The following NCOR1 variants were observed in gnomAD, a reference collection of about 807,000 sequenced individuals.
NCOR1 encodes the protein protein phosphatase 1, regulatory subunit 109.
Under a neutral mutation model 288.1 loss-of-function variants are expected in NCOR1, and 63 were observed. The ratio of observed to expected loss-of-function variants is 0.22; its 90% CI spans 0.18 to 0.27. The LOEUF is 0.27. Ranked by LOEUF, NCOR1 falls within the 10% of genes least tolerant of loss-of-function variation. NCOR1 has a pLI of 1.00. For synonymous variants in NCOR1, 1,007 were observed against 1,065.9 expected, an observed-to-expected ratio of 0.94 and a Z score of 1.08; for missense variants, 2,397 against 3,019.2, an observed-to-expected ratio of 0.79 and a Z score of 4.83.
At chr17:16,215,306 C>T (rs1462258921) in intron 1 of NCOR1, 56 bp downstream of exon 1, 3 of 389,108 alleles carry the variant, frequency 7.7e-6, no homozygotes, top group East Asian at 3.6e-5. Flanking sequence ...CCCTCGGAAG[C>T]CCCCGGACTA....
In NCOR1 at chr17:16,135,790, G is replaced by A. The variant is rs184973128; in HGVS notation, c.1509+1521C>T. Among the ~76,000 whole-genome samples, 8 of 152,308 alleles carry A rather than the reference G, an allele frequency of 5.3e-5. No individual in the cohort carries two copies. In the East Asian group the frequency reaches 1.3e-3, roughly 26 times the overall value. On this transcript the variant is annotated intron_variant, in intron 14 of 45. Coordinates refer to ENST00000268712, the MANE Select transcript of NCOR1 (RefSeq NM_006311.4). ...AATAATGACCCAGAAAACATAAAAA[G>A]GTTATAGCTGTGAATACTGAGAGAA...
chr17:16,056,308 C>CTTTTTTTTTTTTTTTT (rs71299858), intron 40 of NCOR1, among the ~76,000 whole-genome samples: 9 of 96,012 alleles, frequency 9.4e-5, no homozygotes, highest in African/African-American at 2.0e-4. Flanking sequence ...TTCTTTTTAT[C>CTTTTTTTTTTTTTTTT]TTTTTTTTTT....
chr17:16,190,543 G>A (rs959291570), intron 2 of NCOR1, among the ~76,000 whole-genome samples: 16 of 150,202 alleles, frequency 1.1e-4, no homozygotes, highest in African/African-American at 3.9e-4. Context: ...GAGTTTCACC[G>A]TGTTAGCCAA....
In NCOR1 at chr17:16,171,835, C is replaced by A; in HGVS notation, c.403G>T (p.Glu135Ter). 6.2e-7 allele frequency: 1 copy of A among 1,609,782 alleles called. No homozygotes were observed. The highest frequency in any genetic ancestry group is 8.5e-7 in the Non-Finnish European group (1 of 1,178,346). The change falls in exon 4 of 46, where the codon GAA becomes TAA. Residue 135 changes from glutamate to a stop codon, truncating the protein, a stop_gained. Coordinates refer to ENST00000268712, the MANE Select transcript of NCOR1 (RefSeq NM_006311.4). LOFTEE classifies it high-confidence loss of function. ...GCATCTGCAGAAGCCCTCAGCCCTT[C>A]TGGCAGCGGGTGCACTAAAGGCAAA... ...AVLPLVHPLP[E>*]GLRASADAKK...
intron 20 of NCOR1, among the ~76,000 whole-genome samples, 188 bp downstream of exon 20, chr17:16,101,062 T>TACAA (rs1352498411): frequency 1.2e-4 from 18 of 152,262 alleles, no homozygotes; most frequent in Non-Finnish European, 1.9e-4. Context: ...ATCTGTTTCA[T>TACAA]TAAAATGATC....
intron 14 of NCOR1, among the ~76,000 whole-genome samples, chr17:16,135,739 A>G (rs920505798): frequency 2.0e-5 from 3 of 152,194 alleles, no homozygotes; most frequent in African/African-American, 7.2e-5. Context: ...TAATCACATC[A>G]TGTGGGGTGG....
chr17:16,042,409 G>T (rs1345011582), intron 42 of NCOR1, among the ~76,000 whole-genome samples: 1 of 152,148 alleles, frequency 6.6e-6, no homozygotes, highest in East Asian at 1.9e-4. Flanking sequence ...GTTAACCAAT[G>T]ATAATCCTTA....
intron 45 of NCOR1, 79 bp from the exon 46 acceptor site, chr17:16,032,562 T>A: frequency 7.5e-7 from 1 of 1,336,490 alleles, no homozygotes; most frequent in Non-Finnish European, 1.0e-6. Context: ...TAGGATGGAG[T>A]AGAATAGGAT....
intron 18 of NCOR1, among the ~76,000 whole-genome samples, chr17:16,111,972 C>A (rs996931951): frequency 6.6e-6 from 1 of 152,092 alleles, no homozygotes; most frequent in East Asian, 1.9e-4. Context: ...CGGGTTCAGG[C>A]CATTCTCCTG....
chr17:16,133,957 A>C (rs2076027068), intron 14 of NCOR1, among the ~76,000 whole-genome samples: 1 of 152,200 alleles, frequency 6.6e-6, no homozygotes, highest in African/African-American at 2.4e-5. Flanking sequence ...AGCCTAGTCC[A>C]AGTCAATGGG....
chr17:16,192,569 T>C (rs547480575), intron 2 of NCOR1, among the ~76,000 whole-genome samples: 5 of 152,202 alleles, frequency 3.3e-5, no homozygotes, highest in Non-Finnish European at 2.9e-5. Flanking sequence ...GACAGGAGAA[T>C]TGCTTGAACC....
chr17:16,137,928 G>T, intron 13 of NCOR1: 1 of 431,860 alleles, frequency 2.3e-6, no homozygotes, highest in Non-Finnish European at 4.1e-6. Flanking sequence ...TGTAATCTAT[G>T]TGTTTTAGGG....
chr17:16,177,587 T>C (rs1218493445), intron 3 of NCOR1, among the ~76,000 whole-genome samples: 1 of 152,164 alleles, frequency 6.6e-6, no homozygotes, highest in Non-Finnish European at 1.5e-5. Context: ...AATACTGTTC[T>C]ATGGCCCGAG....
chr17:16,164,762 C>A (rs62072479), intron 5 of NCOR1: 4 of 355,544 alleles, frequency 1.1e-5, no homozygotes, highest in Non-Finnish European at 1.0e-5. Context: ...ATAGAATGGA[C>A]AAACAAATTT....
intron 22 of NCOR1, chr17:16,087,055 T>G (rs1442663661): frequency 1.4e-6 from 1 of 739,556 alleles, no homozygotes; most frequent in East Asian, 6.6e-5. Flanking sequence ...AACAAAGTCA[T>G]TCTGAAACAG....
chr17:16,080,086 A>T, intron 25 of NCOR1, 22 bp from the exon 26 acceptor site: 1 of 1,592,814 alleles, frequency 6.3e-7, no homozygotes, highest in Non-Finnish European at 8.6e-7. Context: ...CAAAGCTATT[A>T]GCAAATTACA....
intron 23 of NCOR1, chr17:16,084,437 CA>C: frequency 6.6e-6 from 1 of 151,918 alleles, no homozygotes. Context: ...ACTTGGGAAC[CA>C]AAAAAAGGGG....
intron 20 of NCOR1, among the ~76,000 whole-genome samples, chr17:16,099,647 C>G (rs1044010619): frequency 6.6e-6 from 1 of 152,144 alleles, no homozygotes; most frequent in Non-Finnish European, 1.5e-5. Context: ...GTGCAAAACA[C>G]AGATAATCCT....
rs148114134 is a variant in NCOR1, at chr17:16,109,109, G to A, written c.2056-197C>T. On this transcript the variant is annotated intron_variant, in intron 18 of 45. Coordinates refer to ENST00000268712, the MANE Select transcript of NCOR1 (RefSeq NM_006311.4). ...TGGCCAAATTTTGTGTAGATGGCTC[G>A]CCTTTATCAAACTAAGCAAAAGTTA... Among the ~76,000 whole-genome samples the A allele has an allele frequency of 5.3e-3, 800 of 151,504 alleles. 6 individuals carry two copies. Among genetic ancestry groups the A allele is most frequent in the Admixed American group, 0.011 (162 of 15,218 alleles).
Sources: allele counts gnomAD v4.1 joint callset (sites outside exome capture counted in the v4.1 genomes callset), GRCh38; gene constraint gnomAD v4.1.1; transcripts MANE v1.5; gene names NCBI Gene and HGNC (gene_info 2026-07-23, HGNC 2026-07-21).